CSMD1: variants seen among roughly 807,000 people sequenced by gnomAD.
CSMD1 encodes CUB and sushi domain-containing protein 1.
CSMD1 carries 213 observed loss-of-function variants against 417.5 expected under a neutral mutation model. The ratio of observed to expected loss-of-function variants is 0.51; its 90% CI spans 0.46 to 0.57. The LOEUF is 0.57. Ranked by LOEUF, CSMD1 falls within the 20% of genes least tolerant of loss-of-function variation. The probability of loss-of-function intolerance (pLI) is 0.00; values close to 1 mark genes in which losing one functional copy is unlikely to be tolerated. For synonymous variants in CSMD1, 2,862 were observed against 1,736.8 expected (o/e 1.65, Z -16.11); for missense variants, 6,923 against 4,529.7 (o/e 1.53, Z -15.17).
intron 3 of CSMD1, among the ~76,000 whole-genome samples, chr8:4,147,409 C>A (rs1284168066): frequency 2.6e-5 from 4 of 152,076 alleles, no homozygotes; most frequent in Admixed American, 1.3e-4. Flanking sequence ...ACATGCTGCC[C>A]TGTCTAGAAT....
chr8:3,719,620 G>A (rs951291222), intron 6 of CSMD1, among the ~76,000 whole-genome samples: 9 of 152,134 alleles, frequency 5.9e-5, no homozygotes, highest in Non-Finnish European at 1.0e-4. Context: ...GATGCTCTAT[G>A]CACAGAGGAA....
chr8:4,547,070 G>C (rs955374773), intron 2 of CSMD1, among the ~76,000 whole-genome samples: 6 of 152,088 alleles, frequency 3.9e-5, no homozygotes, highest in East Asian at 3.9e-4. Context: ...TTTTGGACTT[G>C]TCTATTTGTA....
chr8:4,225,712 G>C (rs1003683537), intron 3 of CSMD1, among the ~76,000 whole-genome samples: 1 of 152,090 alleles, frequency 6.6e-6, no homozygotes, highest in African/African-American at 2.4e-5. Flanking sequence ...ATGTTATCCT[G>C]ACAAATTGCC....
At chr8:4,793,620 A>C (rs753417319) in intron 1 of CSMD1, among the ~76,000 whole-genome samples, 6 of 152,062 alleles carry the variant, frequency 3.9e-5, no homozygotes, top group Non-Finnish European at 8.8e-5. Context: ...CTGTTTCAAA[A>C]AAAAATACAG....
chr8:4,163,991 T>C (rs1387334740), intron 3 of CSMD1, among the ~76,000 whole-genome samples: 1 of 152,230 alleles, frequency 6.6e-6, no homozygotes, highest in Admixed American at 6.5e-5. Context: ...GATTGAGGAA[T>C]AATCGTGAGG....
rs1809654641 is a variant in CSMD1 at position 3,926,051 on chromosome 8, T to TATACACACACACACAAACACC, written c.818+71851_818+71852insGGTGTTTGTGTGTGTGTGTAT. ...CACACACACACACACACAAACACCA[T>TATACACACACACACAAACACC]ATACACACACACACACACACACAAA... On this transcript the variant is annotated intron_variant, in intron 5 of 69. Coordinates refer to ENST00000635120, the MANE Select transcript of CSMD1 (RefSeq NM_033225.6). Among the ~76,000 whole-genome samples the TATACACACACACACAAACACC allele has an allele frequency of 1.3e-4, 10 of 76,678 alleles. 1 individual carries two copies. The highest frequency in any genetic ancestry group is 9.6e-4 in the East Asian group (2 of 2,074). The allele number at this position is 76,678 out of a possible 152,430, so 50.3% of individuals were successfully genotyped here.
chr8:3,143,102 AAAC>A lies in CSMD1; in HGVS notation c.6032-431_6032-429del, dbSNP rs201574921. Among the ~76,000 whole-genome samples the A allele has an allele frequency of 3.7e-4, 57 of 152,290 alleles. 1 individual carries two copies. Among genetic ancestry groups the A allele is most frequent in the Admixed American group, 9.2e-4 (14 of 15,290 alleles). ...GCTAACTGATAGCTTTATCAAGGAAAAACAACAACAACAACAACAATTTTGGTT... is the reference window on the plus strand; with the variant it reads ...GCTAACTGATAGCTTTATCAAGGAAAAACAACAACAACAACAATTTTGGTT... On this transcript the variant is annotated intron_variant, in intron 40 of 69. Transcript: ENST00000635120.
At chr8:4,157,007 G>A (rs543808683) in intron 3 of CSMD1, among the ~76,000 whole-genome samples, 1 of 152,268 alleles carries the variant, frequency 6.6e-6, no homozygotes, top group South Asian at 2.1e-4. Flanking sequence ...TTAAGTAGGG[G>A]TGGTGGCCAG....
chr8:3,747,408 G>C (rs1014005320), intron 6 of CSMD1, among the ~76,000 whole-genome samples: 4 of 146,708 alleles, frequency 2.7e-5, no homozygotes, highest in South Asian at 2.4e-4. Context: ...ATATTATGTA[G>C]ACACAGTATT....
At chr8:4,685,253 G>A (rs966401105) in intron 1 of CSMD1, among the ~76,000 whole-genome samples, 1 of 152,138 alleles carries the variant, frequency 6.6e-6, no homozygotes, top group East Asian at 1.9e-4. Flanking sequence ...ACAAGTACAG[G>A]TCTACTTACC....
At chr8:3,568,663 C>G (rs1376202058) in intron 10 of CSMD1, among the ~76,000 whole-genome samples, 1 of 151,502 alleles carries the variant, frequency 6.6e-6, no homozygotes, top group Non-Finnish European at 1.5e-5. Flanking sequence ...GAACACACAC[C>G]TCTCATTCCA....
intron 3 of CSMD1, among the ~76,000 whole-genome samples, chr8:4,116,512 G>A (rs367778383): frequency 4.2e-5 from 3 of 70,748 alleles, no homozygotes; most frequent in African/African-American, 1.2e-4. Context: ...ATCCGACGGC[G>A]ATGTATGAGT....
rs140952631 is a variant in CSMD1, at chr8:4,141,576, C to G, written c.416-109477G>C. On this transcript the variant is annotated intron_variant, in intron 3 of 69. Coordinates refer to ENST00000635120, the MANE Select transcript of CSMD1 (RefSeq NM_033225.6). ...GAAGCTCTTACAAACCTGTACAGAACGAGTAACTGTACTAAGAAATGGAGT... is the reference window on the plus strand; with the variant it reads ...GAAGCTCTTACAAACCTGTACAGAAGGAGTAACTGTACTAAGAAATGGAGT... Among the ~76,000 whole-genome samples, 16 of 151,184 alleles carry G rather than the reference C, an allele frequency of 1.1e-4. 2 individuals are homozygous for G. Among genetic ancestry groups the G allele is most frequent in the African/African-American group, 3.7e-4 (15 of 40,564 alleles).
At chr8:4,750,406 G>A (rs1811238649) in intron 1 of CSMD1, among the ~76,000 whole-genome samples, 1 of 152,030 alleles carries the variant, frequency 6.6e-6, no homozygotes, top group Non-Finnish European at 1.5e-5. Context: ...AATTTCCTTA[G>A]GATAAATATG....
chr8:3,816,840 G>A (rs893440574), intron 5 of CSMD1, among the ~76,000 whole-genome samples: 1 of 151,948 alleles, frequency 6.6e-6, no homozygotes, highest in Non-Finnish European at 1.5e-5. Context: ...TGTCTACTAG[G>A]GGTTTGGAAC....
At chr8:3,368,372 T>C (rs754420785) in intron 19 of CSMD1, among the ~76,000 whole-genome samples, 2 of 152,208 alleles carry the variant, frequency 1.3e-5, no homozygotes, top group African/African-American at 2.4e-5. Context: ...AGTCTCGCTC[T>C]ATCTCCTAGG....
Position 3,480,763 on chromosome 8 carries a change from G to A in CSMD1, c.1449-11939C>T, listed in dbSNP as rs1817694663. Among the ~76,000 whole-genome samples the A allele has an allele frequency of 2.0e-5, 3 of 152,246 alleles. No homozygotes were observed. In the South Asian group the frequency reaches 6.2e-4, roughly 32 times the overall value. On this transcript the variant is annotated intron_variant, in intron 11 of 69. Transcript: ENST00000635120. ...TTGGGATCATGGAGGCCAGAAGGAA[G>A]AACTGACAACCACAAATTCTATATT...
chr8:4,674,565 G>T (rs1044450656), intron 1 of CSMD1, among the ~76,000 whole-genome samples: 10 of 152,096 alleles, frequency 6.6e-5, no homozygotes, highest in African/African-American at 2.4e-4. Context: ...GAACAAAGAT[G>T]TACCACTAAC....
chr8:3,512,291 G>T (rs559539232), intron 10 of CSMD1, among the ~76,000 whole-genome samples: 4 of 152,334 alleles, frequency 2.6e-5, no homozygotes, highest in East Asian at 1.9e-4. Context: ...TCTTGAAGAT[G>T]CAGTGCTGAG....
Sources: allele counts gnomAD v4.1 joint callset (sites outside exome capture counted in the v4.1 genomes callset), GRCh38; gene constraint gnomAD v4.1.1; transcripts MANE v1.5; gene names NCBI Gene and HGNC (gene_info 2026-07-23, HGNC 2026-07-21).